The following POLR1A variants were observed in gnomAD, a reference collection of about 807,000 sequenced individuals.
POLR1A encodes the protein RNA polymerase I subunit A.
A neutral mutation model predicts 205.3 loss-of-function variants in POLR1A; 84 were observed. The ratio of observed to expected loss-of-function variants is 0.41; its 90% CI spans 0.34 to 0.49. The LOEUF (loss-of-function observed/expected upper bound fraction) is 0.49. Among genes scored for constraint, POLR1A ranks in the 20% least tolerant of loss-of-function variants. The pLI, the probability that POLR1A is intolerant of heterozygous loss-of-function variation, is 0.22. For missense variants in POLR1A, 1,645 were observed against 2,204.5 expected, an observed-to-expected ratio of 0.75 and a Z score of 5.08; for synonymous variants, 799 against 863.7, an observed-to-expected ratio of 0.93 and a Z score of 1.31.
intron 14 of POLR1A, among the ~76,000 whole-genome samples, chr2:86,055,853 T>G (rs1672885487): frequency 6.6e-6 from 1 of 152,210 alleles, no homozygotes; most frequent in Non-Finnish European, 1.5e-5. Context: ...CTGGATGCCT[T>G]CTGCCTAAAG....
At chr2:86,037,223 C>G (rs1490976577) in intron 27 of POLR1A, among the ~76,000 whole-genome samples, 1 of 152,268 alleles carries the variant, frequency 6.6e-6, no homozygotes, top group Non-Finnish European at 1.5e-5. Context: ...GCACAGAGGA[C>G]CACTCGACAG....
chr2:86,087,598 G>A (rs780248036), intron 6 of POLR1A, among the ~76,000 whole-genome samples: 3 of 152,120 alleles, frequency 2.0e-5, no homozygotes, highest in African/African-American at 4.8e-5. Context: ...ACTGGAGTGC[G>A]GTGGCACGAT....
intron 18 of POLR1A, among the ~76,000 whole-genome samples, chr2:86,047,889 C>T (rs769161738): frequency 2.6e-5 from 4 of 152,096 alleles, no homozygotes; most frequent in East Asian, 1.9e-4. Flanking sequence ...CCTGGGTGGG[C>T]GGAGGTGGTG....
chr2:86,045,457 G>C, intron 20 of POLR1A, 97 bp from the exon 21 acceptor site: 1 of 1,245,290 alleles, frequency 8.0e-7, no homozygotes, highest in Non-Finnish European at 1.2e-6. Flanking sequence ...TTCCTGACCA[G>C]ACAGGCCACT....
chr2:86,027,757 C>T (rs964041032), intron 33 of POLR1A, 128 bp downstream of exon 33: 1 of 1,103,442 alleles, frequency 9.1e-7, no homozygotes, highest in Admixed American at 2.0e-5. Context: ...CCTCCAGCCG[C>T]CCCCGCTCCC....
At position 86,042,046 on chromosome 2, in the gene POLR1A, C is replaced by T; in HGVS notation, c.3415G>A (p.Ala1139Thr). 1 of 1,613,772 alleles carries T rather than the reference C, an allele frequency of 6.2e-7. No individual in the cohort carries two copies. The highest frequency in any genetic ancestry group is 1.1e-5 in the South Asian group (1 of 91,056). ...EESRRKYQKKAAACPDPSLSV... is the reference protein window; with the variant it reads ...EESRRKYQKKTAACPDPSLSV... Reference sequence around the variant, plus strand: ...AGACTGGGGTCAGGACAAGCGGCCGCCTTCTTCTGGTATTTCCTTCGGCTT... The same window carrying T: ...AGACTGGGGTCAGGACAAGCGGCCGTCTTCTTCTGGTATTTCCTTCGGCTT... Residue 1139 changes from alanine to threonine, a missense_variant, in exon 24 of 34, where the codon GCG becomes ACG. Ala to Thr is a moderately conservative substitution (Grantham distance 58). Around this residue, in one of 16 missense-constraint regions of POLR1A, gnomAD observed 201 missense variants for 222.3 expected, o/e 0.90. Transcript: ENST00000263857.
Position 86,083,127 on chromosome 2 carries a change from G to A in POLR1A, c.772C>T (p.Pro258Ser), listed in dbSNP as rs1262217060. 4 of 1,614,038 alleles carry A rather than the reference G, an allele frequency of 2.5e-6. No individual in the cohort carries two copies. Among genetic ancestry groups the A allele is most frequent in the Admixed American group, 1.7e-5 (1 of 60,018 alleles). The change falls in exon 7 of 34, where the codon CCC becomes TCC. Residue 258 changes from proline (P) to serine (S), a missense_variant. Transcript: ENST00000263857. Reference sequence around the variant, plus strand: ...GAAAGGTGTTCGCGGGCACTGGTGGGTGTTAAGTATCCTCGTTTTCCTATC... The same window carrying A: ...GAAAGGTGTTCGCGGGCACTGGTGGATGTTAAGTATCCTCGTTTTCCTATC... ...AQIGKRGYLT[P>S]TSAREHLSAL...
At chr2:86,092,772 C>T (rs899123728) in intron 3 of POLR1A, among the ~76,000 whole-genome samples, 1 of 152,162 alleles carries the variant, frequency 6.6e-6, no homozygotes, top group African/African-American at 2.4e-5. Flanking sequence ...CTGCAGCGAG[C>T]CAAGATTGTG....
intron 7 of POLR1A, among the ~76,000 whole-genome samples, chr2:86,082,712 AT>A (rs1430173322): frequency 6.6e-6 from 1 of 152,244 alleles, no homozygotes; most frequent in African/African-American, 2.4e-5. Flanking sequence ...TAAAGTCCCA[AT>A]TTAAATAAGA....
chr2:86,096,379 C>T (rs1395298046), intron 3 of POLR1A, among the ~76,000 whole-genome samples: 1 of 151,720 alleles, frequency 6.6e-6, no homozygotes, highest in African/African-American at 2.4e-5. Context: ...CAGTACAATC[C>T]CTATCAAAAT....
intron 14 of POLR1A, among the ~76,000 whole-genome samples, chr2:86,058,792 A>T (rs1255524103): frequency 6.6e-6 from 1 of 152,072 alleles, no homozygotes; most frequent in Non-Finnish European, 1.5e-5. Context: ...ATATCCTTTG[A>T]CCCAGCAATT....
rs1390191826 is a variant in POLR1A at position 86,070,318 on chromosome 2, T to A, written c.1612-46A>T. 1 of 1,543,622 alleles carries A rather than the reference T, an allele frequency of 6.5e-7. No individual in the cohort carries two copies. The highest frequency in any genetic ancestry group is 1.4e-5 in the African/African-American group (1 of 73,292). On this transcript the variant is annotated intron_variant, in intron 12 of 33. Coordinates refer to ENST00000263857, the MANE Select transcript of POLR1A (RefSeq NM_015425.6). This position sits in a 1 kb window ranked among gnomAD's most constrained non-coding sequence, Gnocchi z 4.4. ...TGGGTGATCAGTGCAAACGTCAGTA[T>A]CACCACGGCTCTTTCCAAGTGCTCA...
At chr2:86,104,727 G>A (rs1165338287) in intron 1 of POLR1A, among the ~76,000 whole-genome samples, 1 of 152,198 alleles carries the variant, frequency 6.6e-6, no homozygotes, top group Admixed American at 6.5e-5. Flanking sequence ...GATTACAGGC[G>A]TGAGCCACCG....
At chr2:86,058,462 G>C (rs1573815825) in intron 14 of POLR1A, among the ~76,000 whole-genome samples, 1 of 130,302 alleles carries the variant, frequency 7.7e-6, no homozygotes, top group Non-Finnish European at 1.6e-5. Context: ...GGCTGGTCTT[G>C]AATTCCTAGC....
chr2:86,065,131 C>T, intron 14 of POLR1A, 143 bp downstream of exon 14: 1 of 785,804 alleles, frequency 1.3e-6, no homozygotes, highest in Non-Finnish European at 2.0e-6. Flanking sequence ...CTCAGGAACC[C>T]CAAACAAAGG....
chr2:86,050,868 G>T (rs972448970), intron 16 of POLR1A, among the ~76,000 whole-genome samples: 12 of 152,198 alleles, frequency 7.9e-5, no homozygotes, highest in Non-Finnish European at 1.8e-4. Context: ...TTCCCAACTG[G>T]AAGTGGGTGA....
intron 16 of POLR1A, among the ~76,000 whole-genome samples, chr2:86,050,537 T>C (rs1411146027): frequency 6.6e-6 from 1 of 152,176 alleles, no homozygotes; most frequent in Non-Finnish European, 1.5e-5. Flanking sequence ...TTCCCCCTTG[T>C]AGCCCCACTC....
rs1673918525 is a variant in POLR1A, at chr2:86,105,829, C to G, written c.-53G>C. 1 of 1,441,958 alleles carries G rather than the reference C, an allele frequency of 6.9e-7. No homozygotes were observed. The highest frequency in any genetic ancestry group is 1.4e-5 in the African/African-American group (1 of 71,544). 89.3% of individuals were successfully genotyped at this position (1,441,958 alleles called of 1,614,324 possible). A position where few individuals can be genotyped will look rare whatever the true frequency, so the allele number is the denominator to read the frequency against. ...CCCCAAGAGACGTTCCACTCACCAC[C>G]TGACTATTCTTAATTCAACCTCAAG... On this transcript the variant is annotated 5_prime_UTR_variant, in exon 1 of 34. Transcript: ENST00000263857.
intron 23 of POLR1A, 88 bp from the exon 24 acceptor site, chr2:86,042,191 AG>A: frequency 1.1e-6 from 1 of 934,174 alleles, no homozygotes; most frequent in Non-Finnish European, 1.7e-6. Flanking sequence ...ATGAGAATAA[AG>A]GGAGACAGAA....
Sources: gnomAD v4.1 joint callset for allele counts (sites outside exome capture counted in the v4.1 genomes callset) on GRCh38, gnomAD v4.1.1 for gene constraint, gnomAD v4.1.1 regional missense constraint, Gnocchi (gnomAD v3.1) non-coding constraint, MANE v1.5 for transcripts, NCBI Gene and HGNC (gene_info 2026-07-23, HGNC 2026-07-21) for gene names.